Variants in ARL13B observed in about 807,000 individuals in gnomAD.
ARL13B encodes the protein ADP-ribosylation factor-like protein 13B.
A neutral mutation model predicts 56.1 loss-of-function variants in ARL13B; 36 were observed. That is an observed-to-expected ratio of 0.64 (90% CI 0.49 to 0.85). The LOEUF is 0.85. ARL13B is among the 40% of genes least tolerant of loss of function. The probability of loss-of-function intolerance (pLI) is 0.00; values close to 1 mark genes in which losing one functional copy is unlikely to be tolerated. For synonymous variants in ARL13B, 178 were observed against 171.1 expected, an observed-to-expected ratio of 1.04 and a Z score of -0.32; for missense variants, 519 against 507.1, an observed-to-expected ratio of 1.02 and a Z score of -0.23.
intron 3 of ARL13B, among the ~76,000 whole-genome samples, chr3:94,031,013 A>C (rs2076667249): frequency 6.6e-6 from 1 of 152,082 alleles, no homozygotes; most frequent in Non-Finnish European, 1.5e-5. Flanking sequence ...CTCTGCTAAA[A>C]TAATTTTTTA....
intron 7 of ARL13B, among the ~76,000 whole-genome samples, chr3:94,044,901 G>T (rs530712088): frequency 1.3e-5 from 2 of 152,002 alleles, no homozygotes; most frequent in African/African-American, 4.8e-5. Flanking sequence ...GGTGAGGAGC[G>T]CCTCTGCCCG....
At chr3:93,988,369 G>A (rs1040364210) in intron 1 of ARL13B, among the ~76,000 whole-genome samples, 21 of 152,142 alleles carry the variant, frequency 1.4e-4, no homozygotes, top group African/African-American at 5.1e-4. Context: ...CCCATCTGTG[G>A]AATGTTAAGC....
chr3:94,036,430 A>G (rs958610715), intron 4 of ARL13B, 122 bp from the exon 5 acceptor site: 1 of 961,880 alleles, frequency 1.0e-6, no homozygotes. Flanking sequence ...AAATAAGCAG[A>G]TGCTTCATAT....
chr3:94,045,297 C>CTTCGG (rs2076961859), intron 7 of ARL13B, among the ~76,000 whole-genome samples: 1 of 152,038 alleles, frequency 6.6e-6, no homozygotes. Flanking sequence ...CCCAGGGACA[C>CTTCGG]AAACACTGCG....
chr3:94,036,457 T>C lies in ARL13B; in HGVS notation c.487-95T>C, dbSNP rs970446373. On this transcript the variant is annotated intron_variant, in intron 4 of 9. Transcript: ENST00000394222. ...GCTTCATATTATTAACTTAAATGGC[T>C]TAATTTTGATTTGCCATTAATTATA... is the stretch of plus-strand genomic sequence containing the variant. The C allele has an allele frequency of 5.3e-6, 7 of 1,308,756 alleles. No homozygotes were observed. In the African/African-American group the frequency reaches 1.0e-4, roughly 19 times the overall value. The allele number at this position is 1,308,756 out of a possible 1,614,324, so 81.1% of individuals were successfully genotyped here.
intron 1 of ARL13B, among the ~76,000 whole-genome samples, chr3:93,987,796 A>C (rs570281776): frequency 1.3e-5 from 2 of 151,474 alleles, no homozygotes; most frequent in East Asian, 3.9e-4. Flanking sequence ...GGTGCATGCC[A>C]CGATGCCTGG....
At position 94,043,366 on chromosome 3, in the gene ARL13B, T is replaced by C. The variant is rs567848420; in HGVS notation, c.1024+126T>C. ...AATATTTTTCTGTCTTCAAATGCCATATTTACCATGATTTTCTCAAGGTCT... is the reference window on the plus strand; with the variant it reads ...AATATTTTTCTGTCTTCAAATGCCACATTTACCATGATTTTCTCAAGGTCT... On this transcript the variant is annotated intron_variant, in intron 7 of 9. Coordinates refer to ENST00000394222, the MANE Select transcript of ARL13B (RefSeq NM_001174150.2). 99 of 867,946 alleles carry C rather than the reference T, an allele frequency of 1.1e-4. 1 individual carries two copies. Among genetic ancestry groups the C allele is most frequent in the East Asian group, 1.1e-3 (41 of 37,074 alleles). The allele number at this position is 867,946 out of a possible 1,614,324, so 53.8% of individuals were successfully genotyped here.
At chr3:93,990,213 G>GGCC (rs1305154597) in intron 1 of ARL13B, among the ~76,000 whole-genome samples, 1 of 151,932 alleles carries the variant, frequency 6.6e-6, no homozygotes, top group Non-Finnish European at 1.5e-5. Flanking sequence ...TCACCATGTG[G>GGCC]GCCAGGCTGG....
intron 4 of ARL13B, 54 bp from the exon 5 acceptor site, chr3:94,036,498 A>G: frequency 1.3e-6 from 2 of 1,563,334 alleles, no homozygotes; most frequent in South Asian, 1.1e-5. Context: ...TGGTTTATGA[A>G]TAGATTTGTG....
intron 2 of ARL13B, 81 bp downstream of exon 2, chr3:93,996,025 T>G (rs2075960131): frequency 2.1e-5 from 30 of 1,405,212 alleles, no homozygotes; most frequent in Non-Finnish European, 2.7e-5. Context: ...GCTTTATTCC[T>G]TATTAATTTG....
chr3:94,049,996 CAA>C (rs532785971), intron 8 of ARL13B, among the ~76,000 whole-genome samples: 23 of 64,394 alleles, frequency 3.6e-4, no homozygotes, highest in East Asian at 3.6e-4. Context: ...ACTAAAGATA[CAA>C]AAAAAAAAAA....
Position 94,049,479 on chromosome 3 carries a change from CTG to C in ARL13B, c.1101_1102del (p.Ala368SerfsTer2). ...HRVEPLNIDD[C>X]APESPTPPPP... ...GGGTAGAACCACTTAATATAGATGACTGTGCTCCTGAGAGTCCAACGCCACCC... is the reference window on the plus strand; with the variant it reads ...GGGTAGAACCACTTAATATAGATGACTGCTCCTGAGAGTCCAACGCCACCC... On this transcript the variant is annotated frameshift_variant, in exon 8 of 10. Coordinates refer to ENST00000394222, the MANE Select transcript of ARL13B (RefSeq NM_001174150.2). LOFTEE classifies it high-confidence loss of function. 2 of 1,611,766 alleles carry C rather than the reference CTG, an allele frequency of 1.2e-6. No individual in the cohort carries two copies. Among genetic ancestry groups the C allele is most frequent in the Non-Finnish European group, 1.7e-6 (2 of 1,179,136 alleles).
chr3:93,995,594 C>T (rs757662046), intron 1 of ARL13B, among the ~76,000 whole-genome samples: 1 of 152,116 alleles, frequency 6.6e-6, no homozygotes, highest in Non-Finnish European at 1.5e-5. Context: ...CCTCCCTTTC[C>T]ATCTTCCTTC....
rs1238331927 is a variant in ARL13B at position 94,054,733 on chromosome 3, T to C, written c.*1470T>C. On this transcript the variant is annotated 3_prime_UTR_variant, in exon 10 of 10. Transcript: ENST00000394222. ...GTCACCTGTACTCTAGTCAGCACTG[T>C]ATATATTCTTGGAGTTTGTACATGG... 1 of 423,060 alleles carries C rather than the reference T, an allele frequency of 2.4e-6. No individual in the cohort carries two copies. The highest frequency in any genetic ancestry group is 4.7e-6 in the Non-Finnish European group (1 of 212,214). 26.2% of individuals were successfully genotyped at this position (423,060 alleles called of 1,614,324 possible).
chr3:93,981,247 A>G (rs903108148), intron 1 of ARL13B, among the ~76,000 whole-genome samples: 22 of 152,212 alleles, frequency 1.4e-4, no homozygotes, highest in Non-Finnish European at 3.1e-4. Flanking sequence ...TAATCAGTGA[A>G]ATTGATGCTT....
At position 94,054,814 on chromosome 3, in the gene ARL13B, G is replaced by T. The variant is rs181100219; in HGVS notation, c.*1551G>T. 5.3e-6 allele frequency: 2 copies of T among 377,972 alleles called. No homozygotes were observed. Among genetic ancestry groups the T allele is most frequent in the Non-Finnish European group, 1.0e-5 (2 of 192,200 alleles). The allele number at this position is 377,972 out of a possible 1,614,324, so 23.4% of individuals were successfully genotyped here. On this transcript the variant is annotated 3_prime_UTR_variant, in exon 10 of 10. Transcript: ENST00000394222. ...GCATTTGATTTCAGATCTAAAATTC[G>T]TAACAACCTAAATTTGAGAGGTGGC...
At chr3:94,003,337 A>G (rs1442289530) in intron 2 of ARL13B, among the ~76,000 whole-genome samples, 1 of 152,166 alleles carries the variant, frequency 6.6e-6, no homozygotes, top group Non-Finnish European at 1.5e-5. Flanking sequence ...AAAGGTTGAC[A>G]TTTTTATTGT....
chr3:94,044,193 C>A (rs2076930761), intron 7 of ARL13B, among the ~76,000 whole-genome samples: 1 of 151,284 alleles, frequency 6.6e-6, no homozygotes, highest in African/African-American at 2.4e-5. Context: ...CTGGCTGCCA[C>A]CCTGTCTAGG....
chr3:94,000,619 ATGTG>A (rs546779411), intron 2 of ARL13B, among the ~76,000 whole-genome samples: 57 of 148,834 alleles, frequency 3.8e-4, no homozygotes, highest in Non-Finnish European at 4.2e-4. Flanking sequence ...TTATTTGTGT[ATGTG>A]TGTGTGTGTG....
Sources: allele counts gnomAD v4.1 joint callset (sites outside exome capture counted in the v4.1 genomes callset), GRCh38; gene constraint gnomAD v4.1.1; transcripts MANE v1.5; gene names NCBI Gene and HGNC (gene_info 2026-07-23, HGNC 2026-07-21).